ATXN1: variants seen among roughly 807,000 people sequenced by gnomAD.
The protein encoded by ATXN1 is ataxin 1.
Under a neutral mutation model 56.4 loss-of-function variants are expected in ATXN1, and 8 were observed. That is an observed-to-expected ratio of 0.14 (90% CI 0.08 to 0.26). ATXN1 has a LOEUF of 0.26. Among genes scored for constraint, ATXN1 ranks in the 10% least tolerant of loss-of-function variants. ATXN1 has a pLI of 1.00. For synonymous variants in ATXN1, 514 were observed against 494.6 expected (o/e 1.04, Z -0.52); for missense variants, 987 against 1,106.5 (o/e 0.89, Z 1.53).
At chr6:16,633,349 G>GA (rs138672964) in intron 3 of ATXN1, among the ~76,000 whole-genome samples, 1 of 152,178 alleles carries the variant, frequency 6.6e-6, no homozygotes, top group African/African-American at 2.4e-5. Context: ...GACAAGCCTA[G>GA]AAAAAAATGC....
intron 6 of ATXN1, among the ~76,000 whole-genome samples, chr6:16,443,109 G>C (rs1581765744): frequency 6.7e-6 from 1 of 148,152 alleles, no homozygotes; most frequent in African/African-American, 2.5e-5. Flanking sequence ...TTAAGCCTAA[G>C]AGTTCAAGGC....
chr6:16,687,573 A>G (rs1236265691), intron 2 of ATXN1, among the ~76,000 whole-genome samples: 1 of 151,776 alleles, frequency 6.6e-6, no homozygotes, highest in Non-Finnish European at 1.5e-5. Context: ...TTAGAAACGG[A>G]TTTAGAATTT....
chr6:16,471,263 T>C (rs1192411683), intron 6 of ATXN1, among the ~76,000 whole-genome samples: 1 of 152,040 alleles, frequency 6.6e-6, no homozygotes. Context: ...GATGAACAGG[T>C]CTTCTGCGAA....
intron 6 of ATXN1, among the ~76,000 whole-genome samples, chr6:16,421,698 G>A (rs1759036760): frequency 6.6e-6 from 1 of 152,074 alleles, no homozygotes; most frequent in Non-Finnish European, 1.5e-5. Flanking sequence ...TGTGGGAGAT[G>A]AGCGTGCATG....
intron 6 of ATXN1, among the ~76,000 whole-genome samples, chr6:16,339,105 A>T (rs977867389): frequency 6.6e-6 from 1 of 152,132 alleles, no homozygotes; most frequent in Non-Finnish European, 1.5e-5. Context: ...CTCCTTCCAC[A>T]TCCCGCAGGG....
intron 2 of ATXN1, among the ~76,000 whole-genome samples, chr6:16,707,389 C>G (rs1759430195): frequency 6.6e-6 from 1 of 152,088 alleles, no homozygotes; most frequent in Admixed American, 6.6e-5. Context: ...AATACAACAC[C>G]AAATCCTCCC....
At chr6:16,674,051 T>TATATATATATATATATA (rs559330521) in intron 2 of ATXN1, among the ~76,000 whole-genome samples, 6 of 151,946 alleles carry the variant, frequency 3.9e-5, no homozygotes, top group South Asian at 2.1e-4. Context: ...CTAACGTGTT[T>TATATATATATATATATA]TATATATATA....
chr6:16,694,310 G>A (rs909142782), intron 2 of ATXN1, among the ~76,000 whole-genome samples: 11 of 146,284 alleles, frequency 7.5e-5, no homozygotes, highest in African/African-American at 2.8e-4. Flanking sequence ...GGAGTGCAGT[G>A]GTGTGATCTT....
At chr6:16,427,009 T>C (rs1759171166) in intron 6 of ATXN1, among the ~76,000 whole-genome samples, 2 of 151,894 alleles carry the variant, frequency 1.3e-5, no homozygotes, top group South Asian at 4.2e-4. Flanking sequence ...ACCAATAAAG[T>C]CTATTCTCAT....
chr6:16,625,842 G>C (rs1488266498), intron 3 of ATXN1, among the ~76,000 whole-genome samples: 1 of 152,098 alleles, frequency 6.6e-6, no homozygotes, highest in Non-Finnish European at 1.5e-5. Flanking sequence ...TGAGAATAGT[G>C]ATCTTCAGAA....
chr6:16,412,782 T>TC (rs1313160887), intron 6 of ATXN1, among the ~76,000 whole-genome samples: 4 of 152,222 alleles, frequency 2.6e-5, no homozygotes, highest in Admixed American at 2.0e-4. Context: ...TGTCCTTTTC[T>TC]CCCCACAAAG....
intron 6 of ATXN1, among the ~76,000 whole-genome samples, chr6:16,338,187 T>G (rs943084243): frequency 2.0e-5 from 3 of 152,226 alleles, no homozygotes; most frequent in Middle Eastern, 3.4e-3. Context: ...CCACCTATGT[T>G]ATCCATTTTT....
Position 16,700,796 on chromosome 6 carries a change from C to T in ATXN1, c.-614-42895G>A, listed in dbSNP as rs549385811. On this transcript the variant is annotated intron_variant, in intron 2 of 7. Transcript: ENST00000436367. ...CGGAGGGTGTAACGTGGTAAGCAGA[C>T]GTGCTGCTTTTAGCTGCTAGGCTTT... Among the ~76,000 whole-genome samples the T allele has an allele frequency of 2.3e-3, 349 of 152,156 alleles. 4 individuals carry two copies. The highest frequency in any genetic ancestry group is 7.7e-3 in the African/African-American group (321 of 41,522).
intron 6 of ATXN1, among the ~76,000 whole-genome samples, chr6:16,342,428 C>T (rs1036246725): frequency 6.6e-6 from 1 of 151,522 alleles, no homozygotes; most frequent in African/African-American, 2.4e-5. Context: ...TTGGTGGGAA[C>T]GTAAAATGAT....
intron 6 of ATXN1, among the ~76,000 whole-genome samples, chr6:16,470,068 G>A (rs1760187828): frequency 6.6e-6 from 1 of 152,094 alleles, no homozygotes; most frequent in South Asian, 2.1e-4. Context: ...TAAACTAAAG[G>A]TGGAAGCAAC....
At chr6:16,426,166 G>A (rs1011883486) in intron 6 of ATXN1, among the ~76,000 whole-genome samples, 1 of 152,168 alleles carries the variant, frequency 6.6e-6, no homozygotes, top group African/African-American at 2.4e-5. Flanking sequence ...AGGACAGAAG[G>A]CAATATTGCT....
At chr6:16,351,018 G>A (rs928722649) in intron 6 of ATXN1, among the ~76,000 whole-genome samples, 9 of 152,156 alleles carry the variant, frequency 5.9e-5, no homozygotes, top group Admixed American at 6.5e-5. Flanking sequence ...TAGCCTGGGA[G>A]ATCAAAGCTG....
intron 2 of ATXN1, among the ~76,000 whole-genome samples, chr6:16,678,002 C>G (rs2113393861): frequency 6.6e-6 from 1 of 152,288 alleles, no homozygotes; most frequent in South Asian, 2.1e-4. Flanking sequence ...ACTTGCTGCT[C>G]TAGCCAAAAT....
At chr6:16,426,755 T>A (rs1220150479) in intron 6 of ATXN1, among the ~76,000 whole-genome samples, 1 of 152,038 alleles carries the variant, frequency 6.6e-6, no homozygotes, top group Non-Finnish European at 1.5e-5. Flanking sequence ...TCTGTCTTGT[T>A]TTTTCCTTTC....
Sources: allele counts gnomAD v4.1 joint callset (sites outside exome capture counted in the v4.1 genomes callset), GRCh38; gene constraint gnomAD v4.1.1; transcripts MANE v1.5; gene names NCBI Gene and HGNC (gene_info 2026-07-23, HGNC 2026-07-21).